The following TRPM7 variants were observed in gnomAD, a reference collection of about 807,000 sequenced individuals.
The protein encoded by TRPM7 is LTRPC ion channel family member 7.
In TRPM7, 134 loss-of-function variants were observed where a neutral mutation model predicts 229.7. The observed-to-expected ratio is 0.58, with a 90% CI of 0.51 to 0.67. The LOEUF is 0.67. Ranked by LOEUF, TRPM7 falls within the 30% of genes least tolerant of loss-of-function variation. TRPM7 has a pLI of 0.00. For missense variants in TRPM7, 1,901 were observed against 2,210.0 expected (o/e 0.86, Z 2.80); for synonymous variants, 699 against 715.2 (o/e 0.98, Z 0.36).
intron 3 of TRPM7, among the ~76,000 whole-genome samples, chr15:50,656,400 A>G (rs1414672252): frequency 3.9e-5 from 6 of 152,042 alleles, no homozygotes; most frequent in East Asian, 1.9e-4. Flanking sequence ...CCCAGGCCCA[A>G]ACGATCCTCC....
rs1352940222 is a variant in TRPM7 at position 50,560,421 on chromosome 15, G to A, written c.*1257C>T. On this transcript the variant is annotated 3_prime_UTR_variant, in exon 39 of 39. Transcript: ENST00000646667. Reference sequence around the variant, plus strand: ...ATCAATATTAAACACTATTTAAACAGCTTATCATCTCTTGCCTTGTCTGTA... The same window carrying A: ...ATCAATATTAAACACTATTTAAACAACTTATCATCTCTTGCCTTGTCTGTA... 1.3e-5 allele frequency: 2 copies of A among 152,072 alleles called. No individual in the cohort carries two copies. The highest frequency in any genetic ancestry group is 2.9e-5 in the Non-Finnish European group (2 of 67,982). The allele number at this position is 152,072 out of a possible 1,614,324, so 9.4% of individuals were successfully genotyped here.
chr15:50,635,318 TAAAAAAAAAAAAAAA>T (rs71124393), intron 7 of TRPM7, among the ~76,000 whole-genome samples: 4 of 42,918 alleles, frequency 9.3e-5, no homozygotes, highest in East Asian at 6.9e-4. Flanking sequence ...CTCCCTCACA[TAAAAAAAAAAAAAAA>T]AAAAAAAAAA....
intron 21 of TRPM7, among the ~76,000 whole-genome samples, chr15:50,601,027 A>G: frequency 6.6e-6 from 1 of 152,232 alleles, no homozygotes. Flanking sequence ...TAAACAAAAT[A>G]TTGCAAAACA....
chr15:50,642,465 C>A (rs541077126), intron 5 of TRPM7, among the ~76,000 whole-genome samples: 2 of 152,128 alleles, frequency 1.3e-5, no homozygotes, highest in Admixed American at 1.3e-4. Context: ...ACGGGAGAGA[C>A]CAGGTGGAAG....
At chr15:50,596,436 A>C in intron 22 of TRPM7, 55 bp from the exon 23 acceptor site, 1 of 1,315,052 alleles carries the variant, frequency 7.6e-7, no homozygotes, top group East Asian at 2.6e-5. Flanking sequence ...GTAATTCATC[A>C]GTAACTGCTA....
At chr15:50,597,168 T>G (rs376706882) in intron 22 of TRPM7, among the ~76,000 whole-genome samples, 4 of 152,198 alleles carry the variant, frequency 2.6e-5, no homozygotes, top group South Asian at 2.1e-4. Context: ...GTGATTAGAT[T>G]TGAATTCCTT....
chr15:50,664,875 G>C (rs1275055031), intron 1 of TRPM7, among the ~76,000 whole-genome samples: 2 of 152,058 alleles, frequency 1.3e-5, no homozygotes, highest in African/African-American at 2.4e-5. Flanking sequence ...TGAGGTGAGA[G>C]GATCACTTGA....
chr15:50,561,738 A>G lies in TRPM7; in HGVS notation c.5538T>C (p.Leu1846=). The G allele has an allele frequency of 6.2e-7, 1 of 1,613,312 alleles. No individual in the cohort carries two copies. Among genetic ancestry groups the G allele is most frequent in the Non-Finnish European group, 8.5e-7 (1 of 1,179,716 alleles). ...FPQDEPSDLN[L]QPGNSTKESE... is the part of the protein sequence containing the mutation. Reference sequence around the variant, plus strand: ...ATTCTTTGGTGGAATTTCCAGGCTGAAGATTCAAATCTGAAGGCTCATCCT... The same window carrying G: ...ATTCTTTGGTGGAATTTCCAGGCTGGAGATTCAAATCTGAAGGCTCATCCT... Residue 1846 remains leucine (L), a synonymous_variant, in exon 39 of 39, where the codon CTT becomes CTC. Transcript: ENST00000646667.
chr15:50,655,014 A>AG (rs1267141140), intron 3 of TRPM7, among the ~76,000 whole-genome samples: 1 of 149,468 alleles, frequency 6.7e-6, no homozygotes. Flanking sequence ...AAAAAAAAAA[A>AG]AAAGAAAAGA....
chr15:50,586,345 T>C, intron 28 of TRPM7, 47 bp downstream of exon 28: 6 of 1,240,420 alleles, frequency 4.8e-6, no homozygotes, highest in Non-Finnish European at 7.1e-6. Flanking sequence ...ATTTAAAGTG[T>C]AAATGAGTAT....
intron 28 of TRPM7, among the ~76,000 whole-genome samples, chr15:50,583,437 G>A (rs929294117): frequency 6.6e-6 from 1 of 152,102 alleles, no homozygotes; most frequent in Non-Finnish European, 1.5e-5. Flanking sequence ...ACTGGGGACA[G>A]TAAAGGTAAT....
At chr15:50,660,684 C>T (rs754215664) in intron 2 of TRPM7, among the ~76,000 whole-genome samples, 7 of 152,144 alleles carry the variant, frequency 4.6e-5, no homozygotes, top group Non-Finnish European at 7.3e-5. Flanking sequence ...CTACTTATCA[C>T]GTTTTCTTGA....
At chr15:50,678,259 A>AC (rs1421959307) in intron 1 of TRPM7, among the ~76,000 whole-genome samples, 11 of 136,640 alleles carry the variant, frequency 8.1e-5, no homozygotes, top group Admixed American at 5.2e-4. Context: ...AAACAAAAAC[A>AC]AAAACAAAAA....
intron 23 of TRPM7, among the ~76,000 whole-genome samples, chr15:50,595,831 C>A (rs1421666245): frequency 6.6e-6 from 1 of 152,064 alleles, no homozygotes; most frequent in Non-Finnish European, 1.5e-5. Context: ...GCCACTCCAA[C>A]CTGGGTGACA....
chr15:50,567,196 C>CT (rs1473124007), intron 38 of TRPM7, among the ~76,000 whole-genome samples: 2 of 151,610 alleles, frequency 1.3e-5, no homozygotes, highest in Non-Finnish European at 2.9e-5. Context: ...TATTATTATA[C>CT]TTTAAGTTTT....
At chr15:50,602,931 C>T (rs10519282) in intron 21 of TRPM7, among the ~76,000 whole-genome samples, 4,764 of 152,248 alleles carry the variant, frequency 0.031, 103 homozygotes, top group Middle Eastern at 0.099. Flanking sequence ...CTTCCATTTA[C>T]ATTACCATTA....
intron 15 of TRPM7, among the ~76,000 whole-genome samples, chr15:50,613,075 C>A (rs2060107679): frequency 6.6e-6 from 1 of 152,050 alleles, no homozygotes; most frequent in Non-Finnish European, 1.5e-5. Flanking sequence ...AACTAATATT[C>A]TAATAGAACA....
rs1476832983 is a variant in TRPM7, at chr15:50,634,527, G to C, written c.862C>G (p.Leu288Val). ...ACATTTGGCCCACCCTCAAATATAA[G>C]TGCCACCACAGGGACACCCTGGCCA... Reference protein sequence around the residue: ...RIGQGVPVVALIFEGGPNVIL... With the variant: ...RIGQGVPVVAVIFEGGPNVIL... The change falls in exon 8 of 39, where the codon CTT becomes GTT. Residue 288 changes from leucine (L) to valine (V), a missense_variant. Physicochemically the swap from Leu to Val is conservative, Grantham distance 32. Transcript: ENST00000646667. 6.6e-7 allele frequency: 1 copy of C among 1,519,012 alleles called. No individual in the cohort carries two copies. The highest frequency in any genetic ancestry group is 8.8e-7 in the Non-Finnish European group (1 of 1,137,726). The allele number at this position is 1,519,012 out of a possible 1,614,324, so 94.1% of individuals were successfully genotyped here.
rs1220694206 is a variant in TRPM7, at chr15:50,686,735, C to A, written c.-202G>T. ...TCTTTCATAATTGTGCGACCAACTC[C>A]TCCGGGTGACTGGCCACAGGGACGC... On this transcript the variant is annotated 5_prime_UTR_variant, in exon 1 of 39. The change creates a new upstream start codon in the 5' untranslated region. Transcript: ENST00000646667. 1 of 627,104 alleles carries A rather than the reference C, an allele frequency of 1.6e-6. No individual in the cohort carries two copies. The highest frequency in any genetic ancestry group is 2.6e-6 in the Non-Finnish European group (1 of 389,792). The allele number at this position is 627,104 out of a possible 1,614,324, so 38.8% of individuals were successfully genotyped here.
Sources: allele counts gnomAD v4.1 joint callset (sites outside exome capture counted in the v4.1 genomes callset), GRCh38; gene constraint gnomAD v4.1.1; transcripts MANE v1.5; gene names NCBI Gene and HGNC (gene_info 2026-07-23, HGNC 2026-07-21).